The following TRAF3 variants were observed in gnomAD, a reference collection of about 807,000 sequenced individuals.
TRAF3 encodes TNF receptor associated factor 3, also known as TNF receptor-associated factor 3.
Under a neutral mutation model 62.3 loss-of-function variants are expected in TRAF3, and 13 were observed. The ratio of observed to expected loss-of-function variants is 0.21; its 90% CI spans 0.14 to 0.33. TRAF3 has a LOEUF of 0.33. TRAF3 is among the 10% of genes least tolerant of loss of function. The pLI is 1.00. For missense variants in TRAF3, 440 were observed against 741.8 expected (o/e 0.59, Z 4.73); for synonymous variants, 269 against 283.4 (o/e 0.95, Z 0.51).
intron 9 of TRAF3, among the ~76,000 whole-genome samples, chr14:102,892,530 T>C (rs569061398): frequency 3.3e-5 from 5 of 152,370 alleles, no homozygotes; most frequent in South Asian, 2.1e-4. Flanking sequence ...GAAGTTGTTA[T>C]AGGATCTACC....
At chr14:102,797,739 C>CTTTT (rs35788620) in intron 1 of TRAF3, among the ~76,000 whole-genome samples, 1 of 142,262 alleles carries the variant, frequency 7.0e-6, no homozygotes, top group Non-Finnish European at 1.5e-5. Context: ...CTTTTTCTTT[C>CTTTT]TTTTTTTTTT....
chr14:102,832,233 G>A (rs1900734851), intron 2 of TRAF3, among the ~76,000 whole-genome samples: 1 of 152,094 alleles, frequency 6.6e-6, no homozygotes, highest in Non-Finnish European at 1.5e-5. Flanking sequence ...TTTGTGGTGA[G>A]AACACTTTAC....
At chr14:102,795,129 A>G (rs145518361) in intron 1 of TRAF3, among the ~76,000 whole-genome samples, 180 of 152,312 alleles carry the variant, frequency 1.2e-3, no homozygotes, top group African/African-American at 3.7e-3. Flanking sequence ...GTTTATATAT[A>G]AAAGTGTGGT....
intron 1 of TRAF3, among the ~76,000 whole-genome samples, chr14:102,799,650 C>T (rs1485659858): frequency 1.3e-5 from 2 of 152,154 alleles, no homozygotes; most frequent in African/African-American, 4.8e-5. Flanking sequence ...GGGGTTTCAC[C>T]ATGTTGGTCA....
At chr14:102,793,302 C>T (rs1897902877) in intron 1 of TRAF3, among the ~76,000 whole-genome samples, 1 of 152,020 alleles carries the variant, frequency 6.6e-6, no homozygotes, top group African/African-American at 2.4e-5. Flanking sequence ...AGGCACTTGC[C>T]ACCACACCCA....
At position 102,889,618 on chromosome 14, in the gene TRAF3, A is replaced by T. The variant is rs1321480405; in HGVS notation, c.710A>T (p.Tyr237Phe). 1.2e-6 allele frequency: 2 copies of T among 1,614,086 alleles called. No homozygotes were observed. Among genetic ancestry groups the T allele is most frequent in the Non-Finnish European group, 1.7e-6 (2 of 1,180,032 alleles). Residue 237 changes from tyrosine to phenylalanine, a missense_variant, in exon 8 of 12, where the codon TAT (tyrosine) becomes TTT (phenylalanine). Tyr to Phe is a conservative substitution (Grantham distance 22). This residue lies in a region of TRAF3 where 255 missense variants were observed against 424.1 expected (regional missense o/e 0.60). Coordinates refer to ENST00000392745, the MANE Select transcript of TRAF3 (RefSeq NM_145725.3). ...NAPSTCSFKR[Y>F]GCVFQGTNQQ... The stretch of plus-strand genomic sequence containing the variant: ...CCCAGCACCTGTAGTTTTAAGCGCT[A>T]TGGCTGCGTTTTTCAGGTCAGTATC...
chr14:102,815,540 A>G (rs1364947297), intron 1 of TRAF3, among the ~76,000 whole-genome samples: 1 of 151,922 alleles, frequency 6.6e-6, no homozygotes, highest in Non-Finnish European at 1.5e-5. Context: ...TTATTGTGTG[A>G]TCTATTTTGA....
chr14:102,818,662 G>A (rs920500999), intron 1 of TRAF3, among the ~76,000 whole-genome samples: 8 of 152,106 alleles, frequency 5.3e-5, no homozygotes, highest in Admixed American at 1.3e-4. Flanking sequence ...TCTACTCTAC[G>A]CTTCTTCACC....
chr14:102,875,786 C>A, intron 5 of TRAF3, 58 bp downstream of exon 5: 3 of 1,450,318 alleles, frequency 2.1e-6, no homozygotes, highest in Non-Finnish European at 2.9e-6. Context: ...TCCCTTACAT[C>A]CAGCTGATGA....
At chr14:102,876,618 C>T (rs1566790179) in intron 6 of TRAF3, 93 bp downstream of exon 6, 2 of 1,505,306 alleles carry the variant, frequency 1.3e-6, no homozygotes, top group Non-Finnish European at 1.8e-6. Flanking sequence ...ATCCGTTCCA[C>T]AGGCCTTCCC....
chr14:102,881,555 A>G (rs1464597048), intron 6 of TRAF3, among the ~76,000 whole-genome samples: 9 of 152,124 alleles, frequency 5.9e-5, no homozygotes, highest in African/African-American at 1.4e-4. Context: ...ACATAGACAC[A>G]TTTAGGGGAT....
chr14:102,833,562 A>T (rs1354492670), intron 2 of TRAF3, among the ~76,000 whole-genome samples: 1 of 152,202 alleles, frequency 6.6e-6, no homozygotes, highest in Non-Finnish European at 1.5e-5. Context: ...GAGATGACTG[A>T]GGAGAATGAG....
Position 102,903,245 on chromosome 14 carries a change from G to C in TRAF3, c.961-10G>C. 1 of 1,614,170 alleles carries C rather than the reference G, an allele frequency of 6.2e-7. No individual in the cohort carries two copies. The highest frequency in any genetic ancestry group is 1.1e-5 in the South Asian group (1 of 91,078). On this transcript the variant is annotated splice_polypyrimidine_tract_variant and intron_variant, in intron 10 of 11. Transcript: ENST00000392745. This position sits in a 1 kb window ranked among gnomAD's most constrained non-coding sequence, Gnocchi z 6.4. ...CTGTGTTTTGCTTTTTAACACCTTT[G>C]GTTTGGAAGCGAGTGATAGACAGCC...
At position 102,889,584 on chromosome 14, in the gene TRAF3, G is replaced by T. The variant is rs1384888729; in HGVS notation, c.676G>T (p.Val226Phe). Residue 226 changes from valine (V) to phenylalanine (F), a missense_variant, in exon 8 of 12, where the codon GTC (valine) becomes TTC (phenylalanine). Val to Phe is a conservative substitution (Grantham distance 50). Around this residue, in one of 6 missense-constraint regions of TRAF3, gnomAD observed 255 missense variants for 424.1 expected, o/e 0.60. Coordinates refer to ENST00000392745, the MANE Select transcript of TRAF3 (RefSeq NM_145725.3). ...SELSAHLSEC[V>F]NAPSTCSFKR... The stretch of plus-strand genomic sequence containing the variant: ...GTTGAGTGCACACTTGTCAGAGTGT[G>T]TCAATGCCCCCAGCACCTGTAGTTT... 11 of 1,614,124 alleles carry T rather than the reference G, an allele frequency of 6.8e-6. No homozygotes were observed. The highest frequency in any genetic ancestry group is 8.5e-6 in the Non-Finnish European group (10 of 1,180,058).
chr14:102,842,486 A>G (rs1358589826), intron 2 of TRAF3, among the ~76,000 whole-genome samples: 1 of 152,078 alleles, frequency 6.6e-6, no homozygotes, highest in East Asian at 1.9e-4. Flanking sequence ...GAGCATCAGC[A>G]GCCTGTGGGA....
At chr14:102,795,596 A>ATGTGTGTGTGTGTGTGTGTGTGTGTG (rs1189667975) in intron 1 of TRAF3, among the ~76,000 whole-genome samples, 2 of 129,194 alleles carry the variant, frequency 1.5e-5, no homozygotes, top group South Asian at 2.3e-4. Flanking sequence ...TGATATGTAT[A>ATGTGTGTGTGTGTGTGTGTGTGTGTG]TATGTGTGTG....
chr14:102,860,996 A>G (rs1260732848), intron 2 of TRAF3, among the ~76,000 whole-genome samples: 1 of 152,252 alleles, frequency 6.6e-6, no homozygotes, highest in Non-Finnish European at 1.5e-5. Context: ...TGAATAACAG[A>G]AAAGATAGGA....
At chr14:102,828,763 T>A (rs1487863504) in intron 1 of TRAF3, among the ~76,000 whole-genome samples, 1 of 152,252 alleles carries the variant, frequency 6.6e-6, no homozygotes, top group Non-Finnish European at 1.5e-5. Context: ...TATTTAGTCT[T>A]GACAAATGCC....
Position 102,889,568 on chromosome 14 carries a change from A to C in TRAF3, c.660A>C (p.Ala220=). ...VQTLLRSELS[A]HLSECVNAPS... is the part of the protein sequence containing the mutation. ...TCTCTTTCCCGTTGCAGTTGAGTGC[A>C]CACTTGTCAGAGTGTGTCAATGCCC... Residue 220 remains alanine (A), a synonymous_variant, in exon 8 of 12, where the codon GCA becomes GCC. Coordinates refer to ENST00000392745, the MANE Select transcript of TRAF3 (RefSeq NM_145725.3). 6.2e-7 allele frequency: 1 copy of C among 1,614,244 alleles called. No homozygotes were observed. The highest frequency in any genetic ancestry group is 8.5e-7 in the Non-Finnish European group (1 of 1,180,036).
Sources: allele counts gnomAD v4.1 joint callset (sites outside exome capture counted in the v4.1 genomes callset), GRCh38; gene constraint gnomAD v4.1.1; regional missense constraint gnomAD v4.1.1; non-coding constraint Gnocchi (gnomAD v3.1); transcripts MANE v1.5; gene names NCBI Gene and HGNC (gene_info 2026-07-23, HGNC 2026-07-21).